The following PPDPF variants were observed in gnomAD, a reference collection of about 807,000 sequenced individuals.
The protein encoded by PPDPF is pancreatic progenitor cell differentiation and proliferation factor, also known as exocrine differentiation and proliferation factor.
A neutral mutation model predicts 6.3 loss-of-function variants in PPDPF; 11 were observed. That is an observed-to-expected ratio of 1.76 (90% confidence interval 1.11 to 2.91). PPDPF has a LOEUF of 2.91. PPDPF is among the 30% of genes most tolerant of loss of function. The pLI, the probability that PPDPF is intolerant of heterozygous loss-of-function variation, is 0.00. For synonymous variants in PPDPF, 86 were observed against 64.5 expected, an observed-to-expected ratio of 1.33 and a Z score of -1.60; for missense variants, 202 against 159.4, an observed-to-expected ratio of 1.27 and a Z score of -1.44.
chr20:63,520,881 G>A lies in PPDPF; in HGVS notation c.-39G>A, dbSNP rs1569004951. On this transcript the variant is annotated 5_prime_UTR_variant, in exon 1 of 4. Transcript: ENST00000370179. The stretch of plus-strand genomic sequence containing the variant: ...GTGATCGTGCGCCGAGGCCCGCGAG[G>A]GGTCGCCGCCCAGGTGAGGGGCGCC... The A allele has an allele frequency of 1.0e-6, 1 of 993,924 alleles. No homozygotes were observed. The highest frequency in any genetic ancestry group is 1.7e-5 in the African/African-American group (1 of 57,534). The allele number at this position is 993,924 out of a possible 1,614,324, so 61.6% of individuals were successfully genotyped here.
Position 63,521,666 on chromosome 20 carries a change from A to C in PPDPF, c.134-2A>C, listed in dbSNP as rs771782813. ...ATCAAGACCCCACTTCGCTTCTCTC[A>C]GGTCTCCCCAAGGCTGACCCGGGTC... On this transcript the variant is annotated splice_acceptor_variant, in intron 3 of 3. Coordinates refer to ENST00000370179, the MANE Select transcript of PPDPF (RefSeq NM_024299.4). LOFTEE classifies it high-confidence loss of function. 6.2e-7 allele frequency: 1 copy of C among 1,612,600 alleles called. No individual in the cohort carries two copies. The highest frequency in any genetic ancestry group is 8.5e-7 in the Non-Finnish European group (1 of 1,179,798).
Position 63,521,976 on chromosome 20 carries a change from C to A in PPDPF, c.*97C>A. On this transcript the variant is annotated 3_prime_UTR_variant, in exon 4 of 4. Coordinates refer to ENST00000370179, the MANE Select transcript of PPDPF (RefSeq NM_024299.4). ...CCACTCCGCATCCCTCGCCCCCCTC[C>A]CCACCTCCCACCCCCCACCCTGTAA... 1.1e-6 allele frequency: 1 copy of A among 869,824 alleles called. No homozygotes were observed. The highest frequency in any genetic ancestry group is 1.8e-6 in the Non-Finnish European group (1 of 567,396). The allele number at this position is 869,824 out of a possible 1,614,324, so 53.9% of individuals were successfully genotyped here. A position where few individuals can be genotyped will look rare whatever the true frequency, so the allele number is the denominator to read the frequency against.
In PPDPF at chr20:63,520,774, G is replaced by A. The variant is rs1271048404; in HGVS notation, c.-146G>A. On this transcript the variant is annotated 5_prime_UTR_variant, in exon 1 of 4. Coordinates refer to ENST00000370179, the MANE Select transcript of PPDPF (RefSeq NM_024299.4). The stretch of plus-strand genomic sequence containing the variant: ...GCGTCCGCGCGTGCGCACCCCGCGC[G>A]CGCCTCTCTGTCGTGGCGCGGCTTC... 15 of 984,872 alleles carry A rather than the reference G, an allele frequency of 1.5e-5. No homozygotes were observed. 61.0% of individuals were successfully genotyped at this position (984,872 alleles called of 1,614,324 possible). A position where few individuals can be genotyped will look rare whatever the true frequency, so the allele number is the denominator to read the frequency against.
In PPDPF at chr20:63,521,757, G is replaced by A. The variant is rs2082549975; in HGVS notation, c.223G>A (p.Ala75Thr). ...LPFMATVLES[A>T]EHSEPPQASS... ...GTTCATGGCCACGGTGTTGGAGTCCGCAGAGCACTCGGAACCTCCCCAGGC... is the reference window on the plus strand; with the variant it reads ...GTTCATGGCCACGGTGTTGGAGTCCACAGAGCACTCGGAACCTCCCCAGGC... The change falls in exon 4 of 4, where the codon GCA becomes ACA. Residue 75 changes from alanine (A) to threonine (T), a missense_variant. By Grantham distance (58) the Ala-to-Thr change is moderately conservative. Transcript: ENST00000370179. 2 of 1,613,018 alleles carry A rather than the reference G, an allele frequency of 1.2e-6. No individual in the cohort carries two copies. The highest frequency in any genetic ancestry group is 1.7e-6 in the Non-Finnish European group (2 of 1,179,986).
intron 1 of PPDPF, 76 bp from the exon 2 acceptor site, chr20:63,521,208 C>A: frequency 7.6e-7 from 1 of 1,318,708 alleles, no homozygotes; most frequent in Non-Finnish European, 1.0e-6. Flanking sequence ...CCCAGCGCGG[C>A]GGCTCCACCC....
In PPDPF at chr20:63,520,798, T is replaced by G. The variant is rs954477476; in HGVS notation, c.-122T>G. The G allele has an allele frequency of 2.3e-4, 225 of 984,358 alleles. 1 individual carries two copies. The African/African-American group carries it at 3.7e-3, about 16-fold the overall frequency. The allele number at this position is 984,358 out of a possible 1,614,324, so 61.0% of individuals were successfully genotyped here. On this transcript the variant is annotated 5_prime_UTR_variant, in exon 1 of 4. Coordinates refer to ENST00000370179, the MANE Select transcript of PPDPF (RefSeq NM_024299.4). Reference sequence around the variant, plus strand: ...CGCGCCTCTCTGTCGTGGCGCGGCTTCCCGCGGTCTTCTCTGCAAATGGGC... The same window carrying G: ...CGCGCCTCTCTGTCGTGGCGCGGCTGCCCGCGGTCTTCTCTGCAAATGGGC...
Position 63,521,902 on chromosome 20 carries a change from C to T in PPDPF, c.*23C>T, listed in dbSNP as rs1380142978. On this transcript the variant is annotated 3_prime_UTR_variant, in exon 4 of 4. Transcript: ENST00000370179. ...TGACCTGAGCGGTTACCACCAGCCC[C>T]AGGCCTGCGGAGGCGCTAGTCCACC... 1.5e-5 allele frequency: 24 copies of T among 1,552,978 alleles called. No homozygotes were observed. Among genetic ancestry groups the T allele is most frequent in the Non-Finnish European group, 2.1e-5 (24 of 1,148,580 alleles).
At chr20:63,521,453 AGGCCGGTGGGCTGGG>A (rs2082544296) in intron 2 of PPDPF, 44 bp from the exon 3 acceptor site, 1 of 1,573,104 alleles carries the variant, frequency 6.4e-7, no homozygotes, top group Non-Finnish European at 8.7e-7. Flanking sequence ...CTCGGCCTGA[AGGCCGGTGGGCTGGG>A]GGGCTCCGCG....
rs2082551209 is a variant in PPDPF at position 63,521,846 on chromosome 20, G to A, written c.312G>A (p.Gln104=). The change falls in exon 4 of 4, where the codon CAG becomes CAA. Residue 104 remains glutamine (Q), a synonymous_variant. Transcript: ENST00000370179. ...RDAPRKQPGG[Q]SSTASAGPPS Reference sequence around the variant, plus strand: ...CCCCGAGGAAGCAGCCCGGCGGTCAGTCCAGCACAGCCAGCGCTGGGCCCC... The same window carrying A: ...CCCCGAGGAAGCAGCCCGGCGGTCAATCCAGCACAGCCAGCGCTGGGCCCC... The A allele has an allele frequency of 2.5e-6, 4 of 1,605,962 alleles. No homozygotes were observed. In the East Asian group the frequency reaches 9.0e-5, roughly 36 times the overall value.
chr20:63,521,274 C>G lies in PPDPF; in HGVS notation c.-25-10C>G, dbSNP rs1262771373. On this transcript the variant is annotated splice_polypyrimidine_tract_variant and intron_variant, in intron 1 of 3. Coordinates refer to ENST00000370179, the MANE Select transcript of PPDPF (RefSeq NM_024299.4). ...GCTGACCCGAGGGGCTCCTCCACCCCCATGCGCAGATCCCACCAGCCAGCA... is the reference window on the plus strand; with the variant it reads ...GCTGACCCGAGGGGCTCCTCCACCCGCATGCGCAGATCCCACCAGCCAGCA... 6.3e-7 allele frequency: 1 copy of G among 1,595,348 alleles called. No individual in the cohort carries two copies. Among genetic ancestry groups the G allele is most frequent in the Non-Finnish European group, 8.5e-7 (1 of 1,171,762 alleles).
In PPDPF at chr20:63,522,203, T is replaced by G; in HGVS notation, c.*324T>G. 2.5e-6 allele frequency: 1 copy of G among 404,556 alleles called. No homozygotes were observed. Among genetic ancestry groups the G allele is most frequent in the South Asian group, 2.6e-5 (1 of 38,238 alleles). The allele number at this position is 404,556 out of a possible 1,614,324, so 25.1% of individuals were successfully genotyped here. On this transcript the variant is annotated 3_prime_UTR_variant, in exon 4 of 4. Transcript: ENST00000370179. ...GTGCCTGAGCTGTGTGGCCCGAGGTTCCATTTGAGTGTGAGAAATGGCTGA... is the reference window on the plus strand; with the variant it reads ...GTGCCTGAGCTGTGTGGCCCGAGGTGCCATTTGAGTGTGAGAAATGGCTGA...
chr20:63,521,668 G>C lies in PPDPF; in HGVS notation c.134G>C (p.Gly45Ala). ...CPGEAIPHPP[G>A]LPKADPGHWW... ...CAAGACCCCACTTCGCTTCTCTCAG[G>C]TCTCCCCAAGGCTGACCCGGGTCAT... The change falls in exon 4 of 4, where the codon GGT becomes GCT. Residue 45 changes from glycine to alanine, a missense_variant and splice_region_variant. Transcript: ENST00000370179. 1 of 1,613,342 alleles carries C rather than the reference G, an allele frequency of 6.2e-7. No individual in the cohort carries two copies. Among genetic ancestry groups the C allele is most frequent in the Non-Finnish European group, 8.5e-7 (1 of 1,179,958 alleles).
In PPDPF at chr20:63,521,973, C is replaced by G. The variant is rs1569006027; in HGVS notation, c.*94C>G. 6.5e-6 allele frequency: 6 copies of G among 923,948 alleles called. No homozygotes were observed. The African/African-American group carries it at 8.9e-5, about 14-fold the overall frequency. 57.2% of individuals were successfully genotyped at this position (923,948 alleles called of 1,614,324 possible). A position where few individuals can be genotyped will look rare whatever the true frequency, so the allele number is the denominator to read the frequency against. On this transcript the variant is annotated 3_prime_UTR_variant, in exon 4 of 4. Coordinates refer to ENST00000370179, the MANE Select transcript of PPDPF (RefSeq NM_024299.4). ...TCCCCACTCCGCATCCCTCGCCCCC[C>G]TCCCCACCTCCCACCCCCCACCCTG... is the stretch of plus-strand genomic sequence containing the variant.
At position 63,522,052 on chromosome 20, in the gene PPDPF, A is replaced by C; in HGVS notation, c.*173A>C. On this transcript the variant is annotated 3_prime_UTR_variant, in exon 4 of 4. Coordinates refer to ENST00000370179, the MANE Select transcript of PPDPF (RefSeq NM_024299.4). ...TTCGCATCAACACAGCAGACACCAA[A>C]AACCAGTGAGAGCCCCGCTCTCTAC... is the stretch of plus-strand genomic sequence containing the variant. The C allele has an allele frequency of 1.6e-6, 1 of 615,704 alleles. No individual in the cohort carries two copies. Among genetic ancestry groups the C allele is most frequent in the Non-Finnish European group, 3.0e-6 (1 of 333,422 alleles). 38.1% of individuals were successfully genotyped at this position (615,704 alleles called of 1,614,324 possible). A position where few individuals can be genotyped will look rare whatever the true frequency, so the allele number is the denominator to read the frequency against.
Position 63,521,300 on chromosome 20 carries a change from A to G in PPDPF, c.-9A>G. On this transcript the variant is annotated 5_prime_UTR_variant, in exon 2 of 4. Transcript: ENST00000370179. ...CATGCGCAGATCCCACCAGCCAGCA[A>G]GCTAAAGCATGGCGGCCATCCCCTC... is the stretch of plus-strand genomic sequence containing the variant. 1 of 1,609,430 alleles carries G rather than the reference A, an allele frequency of 6.2e-7. No homozygotes were observed. The highest frequency in any genetic ancestry group is 8.5e-7 in the Non-Finnish European group (1 of 1,178,512).
At chr20:63,521,617 C>G in intron 3 of PPDPF, 28 bp downstream of exon 3, 1 of 1,612,080 alleles carries the variant, frequency 6.2e-7, no homozygotes. Context: ...CCTTTCTCCC[C>G]CCGCTCCTCC....
rs763189945 is a variant in PPDPF at position 63,521,342 on chromosome 20, G to A, written c.34G>A (p.Ala12Thr). Residue 12 changes from alanine to threonine, a missense_variant, in exon 2 of 4, where the codon GCC becomes ACC. Coordinates refer to ENST00000370179, the MANE Select transcript of PPDPF (RefSeq NM_024299.4). ...CATCCCCTCCAGCGGCTCGCTCGTG[G>A]CCACCCACGACTACTACCGGCGTGA... ...AAIPSSGSLV[A>T]THDYYRRRLG... 2.5e-6 allele frequency: 4 copies of A among 1,608,832 alleles called. No homozygotes were observed. The Admixed American group carries it at 5.0e-5, about 20-fold the overall frequency.
At position 63,521,337 on chromosome 20, in the gene PPDPF, T is replaced by C. The variant is rs1487398907; in HGVS notation, c.29T>C (p.Leu10Pro). The change falls in exon 2 of 4, where the codon CTC (leucine) becomes CCC (proline). Residue 10 changes from leucine to proline, a missense_variant. Leu to Pro is a moderately conservative substitution (Grantham distance 98). Transcript: ENST00000370179. The stretch of plus-strand genomic sequence containing the variant: ...GCGGCCATCCCCTCCAGCGGCTCGC[T>C]CGTGGCCACCCACGACTACTACCGG... MAAIPSSGS[L>P]VATHDYYRRR... 18 of 1,609,008 alleles carry C rather than the reference T, an allele frequency of 1.1e-5. No homozygotes were observed. Among genetic ancestry groups the C allele is most frequent in the Non-Finnish European group, 1.5e-5 (18 of 1,178,600 alleles).
rs1018104339 is a variant in PPDPF, at chr20:63,522,105, C to T, written c.*226C>T. 1.7e-6 allele frequency: 1 copy of T among 601,726 alleles called. No homozygotes were observed. The highest frequency in any genetic ancestry group is 3.0e-6 in the Non-Finnish European group (1 of 328,640). 37.3% of individuals were successfully genotyped at this position (601,726 alleles called of 1,614,324 possible). On this transcript the variant is annotated 3_prime_UTR_variant, in exon 4 of 4. Transcript: ENST00000370179. ...CCCGGCCCCAGCACTCGCTAGCTTT[C>T]CTGACACCTGGAACTGTGCACCTGG...
Sources: gnomAD v4.1 joint callset for allele counts on GRCh38, gnomAD v4.1.1 for gene constraint, MANE v1.5 for transcripts, NCBI Gene and HGNC (gene_info 2026-07-23, HGNC 2026-07-21) for gene names.